The following MTOR variants were observed in gnomAD, a reference collection of about 807,000 sequenced individuals.
MTOR encodes serine/threonine-protein kinase mTOR.
A neutral mutation model predicts 319.8 loss-of-function variants in MTOR; 70 were observed. That is an observed-to-expected ratio of 0.22 (90% CI 0.18 to 0.27). The LOEUF is 0.27. MTOR is among the 10% of genes least tolerant of loss of function. The pLI, the probability that MTOR is intolerant of heterozygous loss-of-function variation, is 1.00. For missense variants in MTOR, 1,890 were observed against 3,274.4 expected (o/e 0.58, Z 10.32); for synonymous variants, 1,183 against 1,211.4 (o/e 0.98, Z 0.49).
At chr1:11,236,517 T>G (rs1459630706) in intron 13 of MTOR, among the ~76,000 whole-genome samples, 1 of 150,932 alleles carries the variant, frequency 6.6e-6, no homozygotes, top group Non-Finnish European at 1.5e-5. Context: ...ACGTTTTTTT[T>G]TTTTTTTTTG....
intron 19 of MTOR, among the ~76,000 whole-genome samples, chr1:11,225,183 AT>A (rs1248769429): frequency 2.0e-5 from 3 of 152,156 alleles, no homozygotes; most frequent in African/African-American, 7.2e-5. Flanking sequence ...CGGTATGTAA[AT>A]TTTATCTGAC....
rs1210150534 is a variant in MTOR, at chr1:11,212,747, C to A, written c.3398+49G>T. 8 of 1,477,044 alleles carry A rather than the reference C, an allele frequency of 5.4e-6. No homozygotes were observed. Among genetic ancestry groups the A allele is most frequent in the Non-Finnish European group, 7.5e-6 (8 of 1,063,146 alleles). 91.5% of individuals were successfully genotyped at this position (1,477,044 alleles called of 1,614,324 possible). A position where few individuals can be genotyped will look rare whatever the true frequency, so the allele number is the denominator to read the frequency against. Reference sequence around the variant, plus strand: ...GAACTTAAGAAATGAACATTTTCAACAAAACATTAAAGCTTAAAGATTGCT... The same window carrying A: ...GAACTTAAGAAATGAACATTTTCAAAAAAACATTAAAGCTTAAAGATTGCT... On this transcript the variant is annotated intron_variant, in intron 22 of 57. Coordinates refer to ENST00000361445, the MANE Select transcript of MTOR (RefSeq NM_004958.4). The surrounding 1 kb of genome is among the most constrained non-coding windows in gnomAD (Gnocchi z 4.1).
rs201970595 is a variant in MTOR, at chr1:11,127,955, C to T, written c.6033+49G>A. On this transcript the variant is annotated intron_variant, in intron 43 of 57. Coordinates refer to ENST00000361445, the MANE Select transcript of MTOR (RefSeq NM_004958.4). This position sits in a 1 kb window ranked among gnomAD's most constrained non-coding sequence, Gnocchi z 5.5. Reference sequence around the variant, plus strand: ...AGAAAAACAATCCCACTTGCGCCCACCAGCTAAGGGACCAGGGTCTATGAA... The same window carrying T: ...AGAAAAACAATCCCACTTGCGCCCATCAGCTAAGGGACCAGGGTCTATGAA... The T allele has an allele frequency of 7.8e-3, 12,544 of 1,607,734 alleles. 58 individuals carry two copies. Among genetic ancestry groups the T allele is most frequent in the Non-Finnish European group, 9.3e-3 (11,006 of 1,177,956 alleles).
intron 20 of MTOR, among the ~76,000 whole-genome samples, chr1:11,213,954 C>T (rs143856743): frequency 9.8e-5 from 15 of 152,308 alleles, no homozygotes; most frequent in Non-Finnish European, 1.8e-4. Context: ...CCTTTGATAG[C>T]GATAGCAGTT....
chr1:11,141,722 C>T (rs549472228), intron 34 of MTOR, among the ~76,000 whole-genome samples: 21 of 148,734 alleles, frequency 1.4e-4, no homozygotes, highest in African/African-American at 4.4e-4. Flanking sequence ...CACGGTGGCT[C>T]ATGCCTGTAA....
intron 18 of MTOR, 73 bp from the exon 19 acceptor site, chr1:11,228,991 A>G (rs759995855): frequency 4.4e-5 from 68 of 1,544,584 alleles, no homozygotes; most frequent in Non-Finnish European, 5.9e-5. Flanking sequence ...ATGGTTAGTA[A>G]CAAACAACCT....
chr1:11,161,599 G>A (rs924535539), intron 29 of MTOR, among the ~76,000 whole-genome samples: 1 of 152,118 alleles, frequency 6.6e-6, no homozygotes, highest in Non-Finnish European at 1.5e-5. Flanking sequence ...CCAGAGGAAC[G>A]ATCAGGCAGC....
At position 11,199,840 on chromosome 1, in the gene MTOR, A is replaced by G. The variant is rs1645902542; in HGVS notation, c.3945-137T>C. 2 of 822,186 alleles carry G rather than the reference A, an allele frequency of 2.4e-6. No homozygotes were observed. The highest frequency in any genetic ancestry group is 5.3e-5 in the Admixed American group (2 of 37,588). The allele number at this position is 822,186 out of a possible 1,614,324, so 50.9% of individuals were successfully genotyped here. ...AGTGCTATACAGACCAGTGCTGTCC[A>G]AGAGAATTTTCCTGTCCAATATGGT... is the stretch of plus-strand genomic sequence containing the variant. On this transcript the variant is annotated intron_variant, in intron 26 of 57. Coordinates refer to ENST00000361445, the MANE Select transcript of MTOR (RefSeq NM_004958.4). The surrounding 1 kb of genome is among the most constrained non-coding windows in gnomAD (Gnocchi z 4.5).
At chr1:11,222,448 C>G (rs183664431) in intron 19 of MTOR, among the ~76,000 whole-genome samples, 1 of 152,266 alleles carries the variant, frequency 6.6e-6, no homozygotes, top group South Asian at 2.1e-4. Flanking sequence ...CCACCCGCCT[C>G]GGCCTCCCAA....
chr1:11,224,757 C>T (rs1191645734), intron 19 of MTOR, among the ~76,000 whole-genome samples: 3 of 152,020 alleles, frequency 2.0e-5, no homozygotes, highest in Admixed American at 6.6e-5. Context: ...AATTAAAAAC[C>T]CTTTAAGTTT....
At chr1:11,143,168 C>G (rs1043973854) in intron 34 of MTOR, among the ~76,000 whole-genome samples, 2 of 152,190 alleles carry the variant, frequency 1.3e-5, no homozygotes, top group African/African-American at 4.8e-5. Flanking sequence ...TAGTTAGGTT[C>G]TCCCAGATGC....
At chr1:11,247,119 T>G (rs1648948243) in intron 8 of MTOR, among the ~76,000 whole-genome samples, 1 of 152,166 alleles carries the variant, frequency 6.6e-6, no homozygotes, top group Non-Finnish European at 1.5e-5. Context: ...CTGAGGGCTA[T>G]GATGGAAGAA....
intron 28 of MTOR, among the ~76,000 whole-genome samples, chr1:11,169,473 T>G (rs1644744601): frequency 6.6e-6 from 1 of 152,200 alleles, no homozygotes; most frequent in East Asian, 1.9e-4. Flanking sequence ...GAAACAGCCT[T>G]GGATTTGGAG....
chr1:11,164,023 T>C (rs575201521), intron 29 of MTOR, among the ~76,000 whole-genome samples: 1 of 152,048 alleles, frequency 6.6e-6, no homozygotes, highest in East Asian at 1.9e-4. Context: ...ATCAACAAAA[T>C]TGATAGACCA....
intron 29 of MTOR, among the ~76,000 whole-genome samples, 174 bp from the exon 30 acceptor site, chr1:11,157,465 G>C (rs1244902982): frequency 6.6e-6 from 1 of 152,212 alleles, no homozygotes; most frequent in African/African-American, 2.4e-5. Context: ...AGTGCTGCTT[G>C]GGGAAGGTGG....
At chr1:11,118,618 C>CTTTT (rs1359304379) in intron 49 of MTOR, among the ~76,000 whole-genome samples, 2 of 127,260 alleles carry the variant, frequency 1.6e-5, no homozygotes, top group African/African-American at 2.9e-5. Flanking sequence ...TTTTCTTCTT[C>CTTTT]TTTTTTTTTT....
intron 54 of MTOR, among the ~76,000 whole-genome samples, chr1:11,112,469 T>C (rs1485945064): frequency 6.6e-6 from 1 of 152,222 alleles, no homozygotes; most frequent in Non-Finnish European, 1.5e-5. Context: ...AGACCAAGTA[T>C]TTGAAGTTCA....
intron 28 of MTOR, among the ~76,000 whole-genome samples, chr1:11,190,763 T>C (rs1042811978): frequency 1.3e-5 from 2 of 152,190 alleles, no homozygotes; most frequent in African/African-American, 4.8e-5. Flanking sequence ...CAGGAAAATA[T>C]TAGTTGTAAG....
intron 30 of MTOR, among the ~76,000 whole-genome samples, chr1:11,152,889 A>C (rs1644196291): frequency 6.6e-6 from 1 of 152,230 alleles, no homozygotes; most frequent in Admixed American, 6.5e-5. Flanking sequence ...AACCTCTTTT[A>C]GTCTCCCACA....
Sources: allele counts gnomAD v4.1 joint callset (sites outside exome capture counted in the v4.1 genomes callset), GRCh38; gene constraint gnomAD v4.1.1; non-coding constraint Gnocchi (gnomAD v3.1); transcripts MANE v1.5; gene names NCBI Gene and HGNC (gene_info 2026-07-23, HGNC 2026-07-21).